The following ZNF622 variants were observed in gnomAD, a reference collection of about 807,000 sequenced individuals.
The protein encoded by ZNF622 is cytoplasmic 60S subunit biogenesis factor ZNF622.
A neutral mutation model predicts 49.7 loss-of-function variants in ZNF622; 34 were observed. The ratio of observed to expected loss-of-function variants is 0.68; its 90% CI spans 0.52 to 0.91. ZNF622 has a LOEUF of 0.91. ZNF622 is among the 40% of genes least tolerant of loss of function. The pLI is 0.00. For synonymous variants in ZNF622, 209 were observed against 228.7 expected, an observed-to-expected ratio of 0.91 and a Z score of 0.78; for missense variants, 569 against 616.4, an observed-to-expected ratio of 0.92 and a Z score of 0.81.
At position 16,453,559 on chromosome 5, in the gene ZNF622, T is replaced by TTATATATATATATATA. The variant is rs58965299; in HGVS notation, c.1163-419_1163-404dup. Among the ~76,000 whole-genome samples, 8 of 67,174 alleles carry TTATATATATATATATA rather than the reference T, an allele frequency of 1.2e-4. 1 individual carries two copies. Among genetic ancestry groups the TTATATATATATATATA allele is most frequent in the Admixed American group, 3.6e-4 (2 of 5,624 alleles). 44.1% of individuals were successfully genotyped at this position (67,174 alleles called of 152,430 possible). A position where few individuals can be genotyped will look rare whatever the true frequency, so the allele number is the denominator to read the frequency against. On this transcript the variant is annotated intron_variant, in intron 4 of 5. Coordinates refer to ENST00000308683, the MANE Select transcript of ZNF622 (RefSeq NM_033414.3). ...TTTTATATATATAAATAAATAAAAATTATATATATATATATATATATATAT... is the reference window on the plus strand; with the variant it reads ...TTTTATATATATAAATAAATAAAAATTATATATATATATATATATATATATATATATATATATATAT...
intron 5 of ZNF622, 74 bp downstream of exon 5, chr5:16,452,939 G>T: frequency 7.6e-7 from 1 of 1,322,654 alleles, no homozygotes. Flanking sequence ...AACATAAATG[G>T]AAACAACTTT....
rs541351591 is a variant in ZNF622 at position 16,463,830 on chromosome 5, A to G, written c.626-88T>C. 2.9e-5 allele frequency: 41 copies of G among 1,419,814 alleles called. No individual in the cohort carries two copies. Among genetic ancestry groups the G allele is most frequent in the South Asian group, 8.1e-5 (6 of 74,032 alleles). 88.0% of individuals were successfully genotyped at this position (1,419,814 alleles called of 1,614,324 possible). ...AAAATTCACGAGGTGATACAGTCCT[A>G]TATTTGGAGAAACAGCCACACCCCA... On this transcript the variant is annotated intron_variant, in intron 1 of 5. Coordinates refer to ENST00000308683, the MANE Select transcript of ZNF622 (RefSeq NM_033414.3). This position sits in a 1 kb window ranked among gnomAD's most constrained non-coding sequence, Gnocchi z 4.2.
At position 16,463,006 on chromosome 5, in the gene ZNF622, G is replaced by T; in HGVS notation, c.1049+102C>A. 2 of 1,209,606 alleles carry T rather than the reference G, an allele frequency of 1.7e-6. No homozygotes were observed. Among genetic ancestry groups the T allele is most frequent in the Non-Finnish European group, 2.3e-6 (2 of 873,724 alleles). 74.9% of individuals were successfully genotyped at this position (1,209,606 alleles called of 1,614,324 possible). A position where few individuals can be genotyped will look rare whatever the true frequency, so the allele number is the denominator to read the frequency against. On this transcript the variant is annotated intron_variant, in intron 3 of 5. Transcript: ENST00000308683. This position sits in a 1 kb window ranked among gnomAD's most constrained non-coding sequence, Gnocchi z 4.2. ...CAGAGGTGTTATAAGTGTTATTAAG[G>T]ATATGTTGTACAGTGCCAAACATAT...
At chr5:16,453,182 A>G in intron 4 of ZNF622, 26 bp from the exon 5 acceptor site, 1 of 1,449,290 alleles carries the variant, frequency 6.9e-7, no homozygotes, top group Non-Finnish European at 9.2e-7. Flanking sequence ...GCAATACTGA[A>G]ACACTGAGTT....
At chr5:16,462,684 C>A (rs1476442525) in intron 3 of ZNF622, among the ~76,000 whole-genome samples, 1 of 152,062 alleles carries the variant, frequency 6.6e-6, no homozygotes, top group African/African-American at 2.4e-5. Flanking sequence ...TAGGGGTGAA[C>A]CACCAATGGG....
chr5:16,464,564 G>C (rs765731937), intron 1 of ZNF622, among the ~76,000 whole-genome samples: 5 of 152,200 alleles, frequency 3.3e-5, no homozygotes, highest in Non-Finnish European at 5.9e-5. Context: ...GGAATAAATA[G>C]CTCATAAAGG....
At chr5:16,453,252 A>C in intron 4 of ZNF622, 96 bp from the exon 5 acceptor site, 1 of 1,230,772 alleles carries the variant, frequency 8.1e-7, no homozygotes, top group Non-Finnish European at 1.1e-6. Context: ...ATCTTTTAGT[A>C]TATCTAGATG....
chr5:16,462,874 AC>A (rs1334695968), intron 3 of ZNF622, among the ~76,000 whole-genome samples: 1 of 152,196 alleles, frequency 6.6e-6, no homozygotes, highest in Non-Finnish European at 1.5e-5. Flanking sequence ...CAGAACAAAA[AC>A]AAAAACAAGT....
At chr5:16,456,570 G>C (rs1202900265) in intron 4 of ZNF622, among the ~76,000 whole-genome samples, 1 of 152,176 alleles carries the variant, frequency 6.6e-6, no homozygotes, top group Non-Finnish European at 1.5e-5. Flanking sequence ...AGCCTTCCCA[G>C]AGGGTTGAAT....
Position 16,451,646 on chromosome 5 carries a change from C to G in ZNF622, c.*11G>C. On this transcript the variant is annotated 3_prime_UTR_variant, in exon 6 of 6. Transcript: ENST00000308683. ...TTGGGCAGGAGATGATTGCTCAATC[C>G]CAGCAGACTCTCAGAATCTCACTTG... The G allele has an allele frequency of 6.2e-7, 1 of 1,611,904 alleles. No individual in the cohort carries two copies. Among genetic ancestry groups the G allele is most frequent in the Non-Finnish European group, 8.5e-7 (1 of 1,178,832 alleles).
chr5:16,453,090 A>G lies in ZNF622; in HGVS notation c.1229T>C (p.Val410Ala), dbSNP rs541568452. 1 of 1,587,386 alleles carries G rather than the reference A, an allele frequency of 6.3e-7. No individual in the cohort carries two copies. Among genetic ancestry groups the G allele is most frequent in the Non-Finnish European group, 8.6e-7 (1 of 1,163,810 alleles). ...GGCCTTCCGATTTTTGGCAACTGCC[A>G]CAGCTCTTGACAAGCCAAATCGCTG... Reference protein sequence around the residue: ...YKQRFGLSRAVAVAKNRKAVG... With the variant: ...YKQRFGLSRAAAVAKNRKAVG... Residue 410 changes from valine (V) to alanine (A), a missense_variant, in exon 5 of 6, where the codon GTG (valine) becomes GCG (alanine). Coordinates refer to ENST00000308683, the MANE Select transcript of ZNF622 (RefSeq NM_033414.3).
rs566762036 is a variant in ZNF622 at position 16,460,090 on chromosome 5, T to C, written c.1050-1461A>G. Among the ~76,000 whole-genome samples the C allele has an allele frequency of 3.3e-5, 5 of 152,360 alleles. No individual in the cohort carries two copies. The East Asian group carries it at 7.7e-4, about 23-fold the overall frequency. On this transcript the variant is annotated intron_variant, in intron 3 of 5. Transcript: ENST00000308683. Reference sequence around the variant, plus strand: ...TTCCAGTCCCTGATATAAAATGGTATAACATTTGCATATAACCTAAATCAT... The same window carrying C: ...TTCCAGTCCCTGATATAAAATGGTACAACATTTGCATATAACCTAAATCAT...
chr5:16,453,532 C>T (rs1441417188), intron 4 of ZNF622, among the ~76,000 whole-genome samples: 3 of 116,262 alleles, frequency 2.6e-5, no homozygotes, highest in Non-Finnish European at 3.5e-5. Context: ...AGATTTTTAG[C>T]GTTTTATATA....
chr5:16,454,412 C>T (rs374893988), intron 4 of ZNF622, among the ~76,000 whole-genome samples: 1 of 130,552 alleles, frequency 7.7e-6, no homozygotes, highest in Non-Finnish European at 1.5e-5. Flanking sequence ...GGTGTGAACC[C>T]GGGAGGCGGA....
chr5:16,463,267 T>C lies in ZNF622; in HGVS notation c.890A>G (p.Glu297Gly). 6.3e-7 allele frequency: 1 copy of C among 1,589,752 alleles called. No individual in the cohort carries two copies. The highest frequency in any genetic ancestry group is 8.5e-7 in the Non-Finnish European group (1 of 1,174,060). ...GCAAATCTTGCCAACACCAACTTTC[T>C]CTCCTAGAAAAATAATTTAAGGAAA... ...DIKGLIKYLGEKVGVGKICLW... is the reference protein window; with the variant it reads ...DIKGLIKYLGGKVGVGKICLW... The change falls in exon 3 of 6, where the codon GAG becomes GGG. Residue 297 changes from glutamate to glycine, a missense_variant. By Grantham distance (98) the Glu-to-Gly change is moderately conservative. Coordinates refer to ENST00000308683, the MANE Select transcript of ZNF622 (RefSeq NM_033414.3). The surrounding 1 kb of genome is among the most constrained non-coding windows in gnomAD (Gnocchi z 4.2).
At position 16,463,669 on chromosome 5, in the gene ZNF622, C is replaced by T. The variant is rs761693519; in HGVS notation, c.699G>A (p.Gln233=). ...CCTCAGCCTCTTCCTCCTCTGCATC[C>T]TGCTCCACCACATCGTCCATTGCTT... ...DTEAMDDVVE[Q]DAEEEEAEEG... is the part of the protein sequence containing the mutation. The change falls in exon 2 of 6, where the codon CAG becomes CAA. Residue 233 remains glutamine, a synonymous_variant. Coordinates refer to ENST00000308683, the MANE Select transcript of ZNF622 (RefSeq NM_033414.3). The surrounding 1 kb of genome is among the most constrained non-coding windows in gnomAD (Gnocchi z 4.2). 2.5e-6 allele frequency: 4 copies of T among 1,614,248 alleles called. No individual in the cohort carries two copies. The highest frequency in any genetic ancestry group is 2.5e-6 in the Non-Finnish European group (3 of 1,180,046).
At position 16,465,595 on chromosome 5, in the gene ZNF622, T is replaced by A; in HGVS notation, c.71A>T (p.Lys24Met). ...CAGGTTGTAGCGGTGCCAGTCCGTCTTATAGTGGGCCCGCTGCATGTCCGC... is the reference window on the plus strand; with the variant it reads ...CAGGTTGTAGCGGTGCCAGTCCGTCATATAGTGGGCCCGCTGCATGTCCGC... The part of the protein sequence containing the change: ...RDADMQRAHY[K>M]TDWHRYNLRR... The change falls in exon 1 of 6, where the codon AAG (lysine) becomes ATG (methionine). Residue 24 changes from lysine (K) to methionine (M), a missense_variant. Physicochemically the swap from Lys to Met is moderately conservative, Grantham distance 95. Coordinates refer to ENST00000308683, the MANE Select transcript of ZNF622 (RefSeq NM_033414.3). The surrounding 1 kb of genome is among the most constrained non-coding windows in gnomAD (Gnocchi z 6.2). 1 of 1,610,606 alleles carries A rather than the reference T, an allele frequency of 6.2e-7. No homozygotes were observed. The highest frequency in any genetic ancestry group is 8.5e-7 in the Non-Finnish European group (1 of 1,177,814).
Position 16,451,735 on chromosome 5 carries a change from T to C in ZNF622, c.1356A>G (p.Lys452=), listed in dbSNP as rs1737936530. Residue 452 remains lysine (K), a synonymous_variant, in exon 6 of 6, where the codon AAA becomes AAG. Coordinates refer to ENST00000308683, the MANE Select transcript of ZNF622 (RefSeq NM_033414.3). ...ERDMQYVQRM[K]SKWMLKTGMK... is the part of the protein sequence containing the mutation. Reference sequence around the variant, plus strand: ...TTCCTGTCTTCAGCATCCATTTTGATTTCATCCTTTGGACATACTGCATGT... The same window carrying C: ...TTCCTGTCTTCAGCATCCATTTTGACTTCATCCTTTGGACATACTGCATGT... 2 of 1,614,026 alleles carry C rather than the reference T, an allele frequency of 1.2e-6. No homozygotes were observed. The highest frequency in any genetic ancestry group is 2.7e-5 in the African/African-American group (2 of 74,920).
chr5:16,463,179 A>G lies in ZNF622; in HGVS notation c.978T>C (p.Asn326=). 2 of 1,614,072 alleles carry G rather than the reference A, an allele frequency of 1.2e-6. No homozygotes were observed. Among genetic ancestry groups the G allele is most frequent in the East Asian group, 2.2e-5 (1 of 44,870 alleles). The part of the protein sequence containing the change: ...YSTEAVQAHM[N]DKSHCKLFTD... ...TGAAGAGCTTACAGTGGCTTTTGTC[A>G]TTCATATGTGCCTGTACAGCTTCTG... The change falls in exon 3 of 6, where the codon AAT becomes AAC. Residue 326 remains asparagine (N), a synonymous_variant. Transcript: ENST00000308683. The surrounding 1 kb of genome is among the most constrained non-coding windows in gnomAD (Gnocchi z 4.2).
Sources: allele counts gnomAD v4.1 joint callset (sites outside exome capture counted in the v4.1 genomes callset), GRCh38; gene constraint gnomAD v4.1.1; non-coding constraint Gnocchi (gnomAD v3.1); transcripts MANE v1.5; gene names NCBI Gene and HGNC (gene_info 2026-07-23, HGNC 2026-07-21).